SLC26A11: variants seen among roughly 807,000 people sequenced by gnomAD.
The protein encoded by SLC26A11 is sodium-independent sulfate anion transporter.
In SLC26A11, 58 loss-of-function variants were observed where a neutral mutation model predicts 62.2. That is an observed-to-expected ratio of 0.93 (90% CI 0.76 to 1.16). The LOEUF (loss-of-function observed/expected upper bound fraction) is 1.16. Among genes scored for constraint, SLC26A11 ranks in the 50% most tolerant of loss-of-function variants. The pLI is 0.00. For synonymous variants in SLC26A11, 411 were observed against 368.9 expected, an observed-to-expected ratio of 1.11 and a Z score of -1.31; for missense variants, 790 against 794.3, an observed-to-expected ratio of 0.99 and a Z score of 0.06.
At chr17:80,241,322 C>T (rs138709729) in intron 9 of SLC26A11, among the ~76,000 whole-genome samples, 107 of 152,268 alleles carry the variant, frequency 7.0e-4, no homozygotes, top group Middle Eastern at 3.4e-3. Context: ...TGCGGTGGCA[C>T]GATCTCATCT....
chr17:80,226,891 C>T (rs1330485548), intron 6 of SLC26A11, among the ~76,000 whole-genome samples: 1 of 152,174 alleles, frequency 6.6e-6, no homozygotes, highest in Non-Finnish European at 1.5e-5. Flanking sequence ...CGATCCTGGA[C>T]CATCTTCCCC....
rs577346596 is a variant in SLC26A11 at position 80,249,373 on chromosome 17, T to C, written c.1656+86T>C. The stretch of plus-strand genomic sequence containing the variant: ...CCTCCCATGGCGAATGTGACATCTC[T>C]GGGCTGTGATGCTGGACGGCCCTTC... On this transcript the variant is annotated intron_variant, in intron 16 of 17. Transcript: ENST00000361193. 2.2e-3 allele frequency: 3,328 copies of C among 1,532,362 alleles called. 8 individuals are homozygous for C. Among genetic ancestry groups the C allele is most frequent in the Non-Finnish European group, 2.7e-3 (3,084 of 1,133,760 alleles). 94.9% of individuals were successfully genotyped at this position (1,532,362 alleles called of 1,614,324 possible).
chr17:80,225,006 C>T (rs2042368484), intron 5 of SLC26A11, among the ~76,000 whole-genome samples: 1 of 152,042 alleles, frequency 6.6e-6, no homozygotes, highest in Admixed American at 6.5e-5. Flanking sequence ...TCCAGGGCCT[C>T]AACTTTCCCC....
chr17:80,246,175 G>T lies in SLC26A11; in HGVS notation c.1119G>T (p.Ser373=). ...CCAGGACAGCCGTGAACGCTCAGTC[G>T]GGGGTGTGCACCCCGGCGGGGGGCC... is the stretch of plus-strand genomic sequence containing the variant. ...SFGRTAVNAQ[S]GVCTPAGGLV... Residue 373 remains serine, a synonymous_variant, in exon 12 of 18, where the codon TCG becomes TCT. Transcript: ENST00000361193. This position sits in a 1 kb window ranked among gnomAD's most constrained non-coding sequence, Gnocchi z 4.4. 1.2e-6 allele frequency: 2 copies of T among 1,613,034 alleles called. No homozygotes were observed. The highest frequency in any genetic ancestry group is 1.7e-6 in the Non-Finnish European group (2 of 1,179,934).
chr17:80,237,722 C>G, intron 9 of SLC26A11, 128 bp downstream of exon 9: 1 of 823,082 alleles, frequency 1.2e-6, no homozygotes, highest in South Asian at 1.6e-5. Flanking sequence ...GTAATACATG[C>G]TCATGATAGA....
chr17:80,221,925 G>A, intron 3 of SLC26A11, 131 bp downstream of exon 3: 1 of 963,564 alleles, frequency 1.0e-6, no homozygotes, highest in Non-Finnish European at 1.5e-6. Flanking sequence ...TTTACAGTGT[G>A]TGACGCAGAT....
rs748695175 is a variant in SLC26A11, at chr17:80,249,138, G to A, written c.1523-16G>A. On this transcript the variant is annotated splice_polypyrimidine_tract_variant and intron_variant, in intron 15 of 17. Coordinates refer to ENST00000361193, the MANE Select transcript of SLC26A11 (RefSeq NM_001166347.2). ...TGCTCTGGGTGGCGTGACCTGGCTC[G>A]GGCCTGTCTCCCCAGTGTCCCCGCC... 9.4e-6 allele frequency: 15 copies of A among 1,601,244 alleles called. No individual in the cohort carries two copies. In the South Asian group the frequency reaches 1.1e-4, roughly 12 times the overall value.
At chr17:80,234,890 T>G (rs1175544002) in intron 7 of SLC26A11, among the ~76,000 whole-genome samples, 1 of 151,462 alleles carries the variant, frequency 6.6e-6, no homozygotes, top group Non-Finnish European at 1.5e-5. Context: ...CGCTCTGTTG[T>G]CCAGGCTGGA....
chr17:80,225,771 G>T, intron 5 of SLC26A11, 66 bp from the exon 6 acceptor site: 1 of 1,398,912 alleles, frequency 7.1e-7, no homozygotes, highest in Non-Finnish European at 1.0e-6. Flanking sequence ...GGTGGGCGGG[G>T]AGCTGGGGAC....
chr17:80,243,394 C>CTTATTATTATTA (rs762787454), intron 10 of SLC26A11, among the ~76,000 whole-genome samples: 2 of 151,800 alleles, frequency 1.3e-5, no homozygotes, highest in African/African-American at 4.8e-5. Flanking sequence ...CATTACTTTA[C>CTTATTATTATTA]TTATTATTAT....
In SLC26A11 at chr17:80,246,371, C is replaced by A; in HGVS notation, c.1154-138C>A. On this transcript the variant is annotated intron_variant, in intron 12 of 17. Coordinates refer to ENST00000361193, the MANE Select transcript of SLC26A11 (RefSeq NM_001166347.2). This position sits in a 1 kb window ranked among gnomAD's most constrained non-coding sequence, Gnocchi z 4.4. ...AGTAGGGGGACCACAGGAGACTGAGCAGGGGCTGGGGGCCTTGGCAGTCGT... is the reference window on the plus strand; with the variant it reads ...AGTAGGGGGACCACAGGAGACTGAGAAGGGGCTGGGGGCCTTGGCAGTCGT... The A allele has an allele frequency of 7.0e-7, 1 of 1,421,634 alleles. No individual in the cohort carries two copies. Among genetic ancestry groups the A allele is most frequent in the Non-Finnish European group, 9.5e-7 (1 of 1,052,782 alleles). 88.1% of individuals were successfully genotyped at this position (1,421,634 alleles called of 1,614,324 possible).
In SLC26A11 at chr17:80,246,714, A is replaced by T. The variant is rs1198153640; in HGVS notation, c.1294+65A>T. Reference sequence around the variant, plus strand: ...TGTCTGAACGCGGAGGGTGTCATTTATGCTACCCCATTTTCCTGCAGCCCC... The same window carrying T: ...TGTCTGAACGCGGAGGGTGTCATTTTTGCTACCCCATTTTCCTGCAGCCCC... On this transcript the variant is annotated intron_variant, in intron 13 of 17. Coordinates refer to ENST00000361193, the MANE Select transcript of SLC26A11 (RefSeq NM_001166347.2). This position sits in a 1 kb window ranked among gnomAD's most constrained non-coding sequence, Gnocchi z 4.4. 6.4e-7 allele frequency: 1 copy of T among 1,552,572 alleles called. No individual in the cohort carries two copies. The highest frequency in any genetic ancestry group is 1.9e-5 in the Admixed American group (1 of 52,378).
rs747927879 is a variant in SLC26A11 at position 80,246,395 on chromosome 17, G to A, written c.1154-114G>A. On this transcript the variant is annotated intron_variant, in intron 12 of 17. Coordinates refer to ENST00000361193, the MANE Select transcript of SLC26A11 (RefSeq NM_001166347.2). This position sits in a 1 kb window ranked among gnomAD's most constrained non-coding sequence, Gnocchi z 4.4. ...GCAGGGGCTGGGGGCCTTGGCAGTCGTCGCCCTACCCCCACCCCTGTCCCC... is the reference window on the plus strand; with the variant it reads ...GCAGGGGCTGGGGGCCTTGGCAGTCATCGCCCTACCCCCACCCCTGTCCCC... 115 of 1,476,646 alleles carry A rather than the reference G, an allele frequency of 7.8e-5. No individual in the cohort carries two copies. The highest frequency in any genetic ancestry group is 9.8e-5 in the Non-Finnish European group (107 of 1,097,172). The allele number at this position is 1,476,646 out of a possible 1,614,324, so 91.5% of individuals were successfully genotyped here. A position where few individuals can be genotyped will look rare whatever the true frequency, so the allele number is the denominator to read the frequency against.
Position 80,228,392 on chromosome 17 carries a change from C to T in SLC26A11, c.736+432C>T, listed in dbSNP as rs530079262. On this transcript the variant is annotated intron_variant, in intron 7 of 17. Coordinates refer to ENST00000361193, the MANE Select transcript of SLC26A11 (RefSeq NM_001166347.2). This position sits in a 1 kb window ranked among gnomAD's most constrained non-coding sequence, Gnocchi z 4.1. ...GAGTGATCTGCCTGCCTCGGCCTCC[C>T]GAAGTGCTGGGATTACAGGCATGAG... Among the ~76,000 whole-genome samples the T allele has an allele frequency of 3.9e-5, 6 of 152,272 alleles. No homozygotes were observed. The highest frequency in any genetic ancestry group is 4.1e-4 in the South Asian group (2 of 4,830).
chr17:80,222,657 T>A lies in SLC26A11; in HGVS notation c.237T>A (p.Tyr79Ter). ...YAEVAGLPPQ[Y>*]GLYSAFMGCF... ...CTCACCACCCTCTCTCCCCACAGTA[T>A]GGCCTCTACTCTGCCTTCATGGGCT... is the stretch of plus-strand genomic sequence containing the variant. Residue 79 changes from tyrosine to a stop codon, truncating the protein, a stop_gained and splice_region_variant, in exon 4 of 18, where the codon TAT becomes TAA. Coordinates refer to ENST00000361193, the MANE Select transcript of SLC26A11 (RefSeq NM_001166347.2). LOFTEE classifies it high-confidence loss of function. This position sits in a 1 kb window ranked among gnomAD's most constrained non-coding sequence, Gnocchi z 4.7. 2 of 1,613,952 alleles carry A rather than the reference T, an allele frequency of 1.2e-6. No homozygotes were observed. Among genetic ancestry groups the A allele is most frequent in the African/African-American group, 1.3e-5 (1 of 75,046 alleles).
chr17:80,229,391 C>T (rs576957040), intron 7 of SLC26A11, among the ~76,000 whole-genome samples: 4 of 151,864 alleles, frequency 2.6e-5, no homozygotes, highest in African/African-American at 7.2e-5. Flanking sequence ...TTCAGTTGTC[C>T]GTGAAATAGT....
At position 80,228,384 on chromosome 17, in the gene SLC26A11, C is replaced by T. The variant is rs562492986; in HGVS notation, c.736+424C>T. Among the ~76,000 whole-genome samples the T allele has an allele frequency of 8.5e-5, 13 of 152,312 alleles. No homozygotes were observed. The highest frequency in any genetic ancestry group is 8.3e-4 in the South Asian group (4 of 4,826). On this transcript the variant is annotated intron_variant, in intron 7 of 17. Coordinates refer to ENST00000361193, the MANE Select transcript of SLC26A11 (RefSeq NM_001166347.2). The surrounding 1 kb of genome is among the most constrained non-coding windows in gnomAD (Gnocchi z 4.1). The stretch of plus-strand genomic sequence containing the variant: ...CTGACCTCGAGTGATCTGCCTGCCT[C>T]GGCCTCCCGAAGTGCTGGGATTACA...
At chr17:80,250,826 T>A (rs535297816) in intron 16 of SLC26A11, among the ~76,000 whole-genome samples, 6 of 123,732 alleles carry the variant, frequency 4.8e-5, no homozygotes, top group Admixed American at 8.9e-5. Flanking sequence ...AAACTCCATC[T>A]CAAAAACAAA....
At chr17:80,227,686 G>A in intron 6 of SLC26A11, 132 bp from the exon 7 acceptor site, 1 of 1,290,772 alleles carries the variant, frequency 7.7e-7, no homozygotes, top group Non-Finnish European at 1.1e-6. Context: ...TGTGGTCTGG[G>A]ACCAGCAGCC....
Sources: gnomAD v4.1 joint callset for allele counts (sites outside exome capture counted in the v4.1 genomes callset) on GRCh38, gnomAD v4.1.1 for gene constraint, Gnocchi (gnomAD v3.1) non-coding constraint, MANE v1.5 for transcripts, NCBI Gene and HGNC (gene_info 2026-07-23, HGNC 2026-07-21) for gene names.